ACTG2: variants seen among roughly 807,000 people sequenced by gnomAD.
ACTG2 encodes the protein actin, gamma-enteric smooth muscle.
In ACTG2, 16 loss-of-function variants were observed where a neutral mutation model predicts 37.6. That is an observed-to-expected ratio of 0.43 (90% CI 0.29 to 0.65). The LOEUF is 0.65. Ranked by LOEUF, ACTG2 falls within the 30% of genes least tolerant of loss-of-function variation. The probability of loss-of-function intolerance (pLI) is 0.18; values close to 1 mark genes in which losing one functional copy is unlikely to be tolerated. For synonymous variants in ACTG2, 181 were observed against 179.9 expected (o/e 1.01, Z -0.05); for missense variants, 238 against 490.9 (o/e 0.48, Z 4.87).
At chr2:73,910,167 A>G (rs1224633902) in intron 5 of ACTG2, among the ~76,000 whole-genome samples, 4 of 151,600 alleles carry the variant, frequency 2.6e-5, no homozygotes, top group Admixed American at 6.6e-5. Flanking sequence ...GTGAGCCAAG[A>G]TCACGCCACT....
intron 1 of ACTG2, among the ~76,000 whole-genome samples, chr2:73,899,016 T>A (rs1389509847): frequency 6.6e-6 from 1 of 152,018 alleles, no homozygotes; most frequent in East Asian, 1.9e-4. Context: ...TTCACCATGT[T>A]AGCCAGGATG....
chr2:73,908,147 T>C, intron 3 of ACTG2: 1 of 393,718 alleles, frequency 2.5e-6, no homozygotes. Context: ...CATGAAGGGG[T>C]CAGGTGACGA....
chr2:73,894,465 G>A (rs537479817), intron 1 of ACTG2, among the ~76,000 whole-genome samples: 2 of 152,190 alleles, frequency 1.3e-5, no homozygotes, highest in Admixed American at 1.3e-4. Flanking sequence ...ACCTTGGGGC[G>A]AGATATCTTT....
Position 73,902,870 on chromosome 2 carries a change from C to A in ACTG2, c.255+382C>A, listed in dbSNP as rs1357970800. Reference sequence around the variant, plus strand: ...CTTGGCATTGGAGGACCTTTCCCTGCCTGATCCCCGCGATCATCTTTTCCT... The same window carrying A: ...CTTGGCATTGGAGGACCTTTCCCTGACTGATCCCCGCGATCATCTTTTCCT... On this transcript the variant is annotated intron_variant, in intron 3 of 8. Transcript: ENST00000345517. The A allele has an allele frequency of 8.1e-5, 92 of 1,141,284 alleles. 1 individual carries two copies. In the South Asian group the frequency reaches 9.8e-4, roughly 12 times the overall value. 70.7% of individuals were successfully genotyped at this position (1,141,284 alleles called of 1,614,324 possible).
intron 2 of ACTG2, among the ~76,000 whole-genome samples, chr2:73,902,132 C>G (rs575947215): frequency 6.6e-6 from 1 of 151,662 alleles, no homozygotes; most frequent in African/African-American, 2.4e-5. Flanking sequence ...ACATCGTTGT[C>G]TGAAGAGAAA....
At chr2:73,893,317 C>G (rs1679668838) in intron 1 of ACTG2, among the ~76,000 whole-genome samples, 1 of 152,222 alleles carries the variant, frequency 6.6e-6, no homozygotes, top group South Asian at 2.1e-4. Context: ...TGCCTGCAGT[C>G]TCTACTAGCC....
intron 5 of ACTG2, among the ~76,000 whole-genome samples, chr2:73,911,646 A>G (rs1680141899): frequency 6.6e-6 from 1 of 152,214 alleles, no homozygotes; most frequent in Admixed American, 6.5e-5. Flanking sequence ...ATCACCACAA[A>G]CACGTGAATA....
chr2:73,895,661 A>T (rs940005784), intron 1 of ACTG2, among the ~76,000 whole-genome samples: 1 of 152,258 alleles, frequency 6.6e-6, no homozygotes, highest in African/African-American at 2.4e-5. Flanking sequence ...GTCTTTGAGA[A>T]CTGACATAAA....
intron 5 of ACTG2, 55 bp downstream of exon 5, chr2:73,909,194 C>G (rs1374441913): frequency 6.6e-7 from 1 of 1,504,138 alleles, no homozygotes; most frequent in Non-Finnish European, 9.3e-7. Context: ...TAGGGAAAAG[C>G]TGGGGTCTGG....
In ACTG2 at chr2:73,913,473, C is replaced by G; in HGVS notation, c.452-12C>G. 6.3e-7 allele frequency: 1 copy of G among 1,588,584 alleles called. No individual in the cohort carries two copies. Among genetic ancestry groups the G allele is most frequent in the Non-Finnish European group, 8.6e-7 (1 of 1,162,352 alleles). Reference sequence around the variant, plus strand: ...ATGAGAATTTTATAAGCCTGATCCTCTCTGTCCACAGGCATCGTCCTGGAT... The same window carrying G: ...ATGAGAATTTTATAAGCCTGATCCTGTCTGTCCACAGGCATCGTCCTGGAT... On this transcript the variant is annotated splice_polypyrimidine_tract_variant and intron_variant, in intron 5 of 8. Transcript: ENST00000345517.
intron 5 of ACTG2, among the ~76,000 whole-genome samples, chr2:73,910,601 T>A (rs1212197242): frequency 2.0e-5 from 3 of 150,732 alleles, no homozygotes; most frequent in Non-Finnish European, 4.4e-5. Context: ...TAGGTTCAAG[T>A]GATTCTCATG....
chr2:73,913,964 A>G (rs946526815), intron 6 of ACTG2, among the ~76,000 whole-genome samples: 8 of 152,168 alleles, frequency 5.3e-5, no homozygotes, highest in African/African-American at 1.9e-4. Flanking sequence ...GACAAATTGA[A>G]TAAGTGAGGC....
chr2:73,898,986 A>AT, intron 1 of ACTG2, among the ~76,000 whole-genome samples: 1 of 149,660 alleles, frequency 6.7e-6, no homozygotes, highest in African/African-American at 2.4e-5. Flanking sequence ...TTTTTTTTGT[A>AT]TTTTTAGTAG....
chr2:73,919,306 A>G, intron 8 of ACTG2, 126 bp from the exon 9 acceptor site: 1 of 1,145,126 alleles, frequency 8.7e-7, no homozygotes, highest in Non-Finnish European at 1.2e-6. Context: ...AATCTAATCT[A>G]TCACAATGTT....
chr2:73,909,465 G>A (rs1285524407), intron 5 of ACTG2, among the ~76,000 whole-genome samples: 1 of 152,190 alleles, frequency 6.6e-6, no homozygotes, highest in South Asian at 2.1e-4. Flanking sequence ...AAATGTAAGT[G>A]CAGTTACACA....
chr2:73,909,094 G>A lies in ACTG2; in HGVS notation c.406G>A (p.Ala136Thr). The A allele has an allele frequency of 6.2e-7, 1 of 1,613,968 alleles. No individual in the cohort carries two copies. The highest frequency in any genetic ancestry group is 8.5e-7 in the Non-Finnish European group (1 of 1,179,950). The stretch of plus-strand genomic sequence containing the variant: ...CTTCAATGTCCCTGCCATGTACGTC[G>A]CCATTCAAGCTGTGCTCTCCCTCTA... ...ETFNVPAMYV[A>T]IQAVLSLYAS... The change falls in exon 5 of 9, where the codon GCC becomes ACC. Residue 136 changes from alanine (A) to threonine (T), a missense_variant. Ala to Thr is a moderately conservative substitution (Grantham distance 58). Transcript: ENST00000345517.
At chr2:73,906,808 T>C (rs1003862942) in intron 3 of ACTG2, among the ~76,000 whole-genome samples, 7 of 152,216 alleles carry the variant, frequency 4.6e-5, no homozygotes, top group African/African-American at 1.7e-4. Context: ...TTAAAAATTA[T>C]CAACATCTTT....
Position 73,903,718 on chromosome 2 carries a change from G to T in ACTG2, c.255+1230G>T, listed in dbSNP as rs186806411. 4.2e-3 allele frequency among the ~76,000 whole-genome samples: 641 copies of T among 152,124 alleles called. 2 individuals carry two copies. Among genetic ancestry groups the T allele is most frequent in the Non-Finnish European group, 6.1e-3 (413 of 67,990 alleles). On this transcript the variant is annotated intron_variant, in intron 3 of 8. Transcript: ENST00000345517. ...GCACTTTGGGAGACCGAGGCGGGTG[G>T]ATCACAAAATCAGGAGCTTGAGACC...
At chr2:73,904,331 A>C (rs1158558921) in intron 3 of ACTG2, among the ~76,000 whole-genome samples, 1 of 151,952 alleles carries the variant, frequency 6.6e-6, no homozygotes, top group Non-Finnish European at 1.5e-5. Context: ...TTTTATTCAC[A>C]GTAGTGACAA....
Sources: allele counts gnomAD v4.1 joint callset (sites outside exome capture counted in the v4.1 genomes callset), GRCh38; gene constraint gnomAD v4.1.1; transcripts MANE v1.5; gene names NCBI Gene and HGNC (gene_info 2026-07-23, HGNC 2026-07-21).